The following PDE4D variants were observed in gnomAD, a reference collection of about 807,000 sequenced individuals.
PDE4D encodes the protein 3',5'-cyclic-AMP phosphodiesterase 4D.
In PDE4D, 24 loss-of-function variants were observed where a neutral mutation model predicts 87.4. The observed-to-expected ratio is 0.27, with a 90% CI of 0.20 to 0.39. The LOEUF (loss-of-function observed/expected upper bound fraction) is 0.39. Among genes scored for constraint, PDE4D ranks in the 10% least tolerant of loss-of-function variants. The pLI is 1.00. For synonymous variants in PDE4D, 384 were observed against 383.2 expected, an observed-to-expected ratio of 1.00 and a Z score of -0.02; for missense variants, 714 against 1,041.0, an observed-to-expected ratio of 0.69 and a Z score of 4.32.
chr5:60,322,660 C>T (rs964544567), intron 1 of PDE4D, among the ~76,000 whole-genome samples: 10 of 152,174 alleles, frequency 6.6e-5, no homozygotes, highest in African/African-American at 2.4e-4. Context: ...TCTGAAATAG[C>T]TGTCAGAGCC....
At chr5:59,518,766 T>C (rs953090881) in intron 1 of PDE4D, among the ~76,000 whole-genome samples, 8 of 152,202 alleles carry the variant, frequency 5.3e-5, no homozygotes, top group Admixed American at 3.9e-4. Flanking sequence ...ATCCCCTATA[T>C]ACTATTATTA....
At chr5:60,443,628 C>A (rs1745415478) in intron 1 of PDE4D, among the ~76,000 whole-genome samples, 2 of 151,982 alleles carry the variant, frequency 1.3e-5, no homozygotes, top group African/African-American at 4.8e-5. Context: ...GTGGGTGACA[C>A]CACAGGTAAT....
chr5:60,407,444 CTTTTTTTTTTTTTTT>C (rs70975385), intron 1 of PDE4D, among the ~76,000 whole-genome samples: 3 of 80,092 alleles, frequency 3.7e-5, no homozygotes, highest in African/African-American at 5.8e-5. Context: ...TTTCTTTTTC[CTTTTTTTTTTTTTTT>C]TTTTTTTTTT....
chr5:60,327,943 G>A (rs1186858065), intron 1 of PDE4D, among the ~76,000 whole-genome samples: 1 of 151,980 alleles, frequency 6.6e-6, no homozygotes, highest in Non-Finnish European at 1.5e-5. Context: ...TAACATAATA[G>A]CTTCTACAAA....
rs1583508864 is a variant in PDE4D at position 60,355,845 on chromosome 5, G to A, written c.-90+132097C>T. 2.1e-5 allele frequency among the ~76,000 whole-genome samples: 3 copies of A among 142,212 alleles called. No individual in the cohort carries two copies. The East Asian group carries it at 5.8e-4, about 27-fold the overall frequency. The allele number at this position is 142,212 out of a possible 152,430, so 93.3% of individuals were successfully genotyped here. A position where few individuals can be genotyped will look rare whatever the true frequency, so the allele number is the denominator to read the frequency against. On this transcript the variant is annotated intron_variant, in intron 1 of 16. Transcript: ENST00000502484. The stretch of plus-strand genomic sequence containing the variant: ...TCTTCATCCTCATCATCTTTGCATT[G>A]AGTAGGCTCAGGAGGAAGAAGAAGA...
chr5:59,856,368 A>G (rs972201535), intron 1 of PDE4D, among the ~76,000 whole-genome samples: 8 of 152,000 alleles, frequency 5.3e-5, no homozygotes, highest in Admixed American at 4.6e-4. Context: ...TCAGAATTAA[A>G]TATCTCACTA....
At chr5:59,545,845 G>C (rs1020305471) in intron 1 of PDE4D, among the ~76,000 whole-genome samples, 1 of 152,046 alleles carries the variant, frequency 6.6e-6, no homozygotes, top group East Asian at 1.9e-4. Flanking sequence ...AATTGTTGAC[G>C]AAGTAAAATA....
intron 1 of PDE4D, among the ~76,000 whole-genome samples, chr5:60,189,145 A>G (rs1037910208): frequency 2.6e-5 from 4 of 152,240 alleles, no homozygotes; most frequent in African/African-American, 9.6e-5. Context: ...ACATAAAGTT[A>G]ATTAGAAAGA....
In PDE4D at chr5:59,916,717, A is replaced by T. The variant is rs977520890; in HGVS notation, c.272+71771T>A. On this transcript the variant is annotated intron_variant, in intron 3 of 16. Transcript: ENST00000502484. Reference sequence around the variant, plus strand: ...TTCTAGATATTGGCAACATTTAGTAAATACTTTTAAGAGTCACAGCATACA... The same window carrying T: ...TTCTAGATATTGGCAACATTTAGTATATACTTTTAAGAGTCACAGCATACA... Among the ~76,000 whole-genome samples the T allele has an allele frequency of 3.3e-5, 5 of 152,170 alleles. No individual in the cohort carries two copies. The East Asian group carries it at 9.6e-4, about 29-fold the overall frequency.
At chr5:59,280,257 T>C (rs1765578160) in intron 1 of PDE4D, among the ~76,000 whole-genome samples, 2 of 152,074 alleles carry the variant, frequency 1.3e-5, no homozygotes, top group African/African-American at 4.8e-5. Flanking sequence ...TAATAAATGA[T>C]CATTTTAAAA....
chr5:59,697,575 T>A (rs1243304031), intron 1 of PDE4D, among the ~76,000 whole-genome samples: 4 of 152,210 alleles, frequency 2.6e-5, no homozygotes, highest in African/African-American at 9.6e-5. Context: ...GAACAAAGTT[T>A]CACTATGCTC....
intron 1 of PDE4D, among the ~76,000 whole-genome samples, chr5:59,337,393 G>T (rs1777890133): frequency 7.0e-6 from 1 of 143,202 alleles, no homozygotes; most frequent in African/African-American, 2.6e-5. Context: ...GGGCAGTGGT[G>T]TGATCTCGGC....
chr5:59,878,716 T>TA (rs904214773), intron 1 of PDE4D, among the ~76,000 whole-genome samples: 13 of 151,728 alleles, frequency 8.6e-5, no homozygotes, highest in South Asian at 2.1e-4. Context: ...TTTCCACTTT[T>TA]AAAAAAAACC....
At chr5:60,423,736 C>T (rs569018155) in intron 1 of PDE4D, among the ~76,000 whole-genome samples, 1 of 152,022 alleles carries the variant, frequency 6.6e-6, no homozygotes, top group South Asian at 2.1e-4. Flanking sequence ...AAAAACCCTT[C>T]AAAAAATCAA....
intron 1 of PDE4D, among the ~76,000 whole-genome samples, chr5:59,734,514 C>G (rs941534745): frequency 6.6e-6 from 1 of 152,064 alleles, no homozygotes; most frequent in Admixed American, 6.6e-5. Context: ...CTGTGGTCTC[C>G]TTGTAGCCCT....
chr5:60,395,520 C>T (rs952381307), intron 1 of PDE4D, among the ~76,000 whole-genome samples: 20 of 151,992 alleles, frequency 1.3e-4, no homozygotes, highest in African/African-American at 4.6e-4. Flanking sequence ...TCAAAGACCA[C>T]AACATAAAAT....
At chr5:59,805,819 G>C (rs1767668092) in intron 1 of PDE4D, among the ~76,000 whole-genome samples, 1 of 152,198 alleles carries the variant, frequency 6.6e-6, no homozygotes, top group Non-Finnish European at 1.5e-5. Context: ...TTAGGACAAG[G>C]CAAAACTGTG....
intron 1 of PDE4D, among the ~76,000 whole-genome samples, chr5:59,793,095 C>G (rs1766008080): frequency 6.6e-6 from 1 of 152,190 alleles, no homozygotes; most frequent in African/African-American, 2.4e-5. Flanking sequence ...GACTAGCAAT[C>G]TGACTGCAGA....
chr5:59,522,019 TA>T (rs902548366), intron 1 of PDE4D, among the ~76,000 whole-genome samples: 3 of 152,068 alleles, frequency 2.0e-5, no homozygotes, highest in Non-Finnish European at 2.9e-5. Flanking sequence ...CATTGAGATT[TA>T]AAAAAAACTC....
Sources: allele counts gnomAD v4.1 joint callset (sites outside exome capture counted in the v4.1 genomes callset), GRCh38; gene constraint gnomAD v4.1.1; transcripts MANE v1.5; gene names NCBI Gene and HGNC (gene_info 2026-07-23, HGNC 2026-07-21).